Variants in ANK3 observed in about 807,000 individuals in gnomAD.
ANK3 encodes ankyrin 3.
A neutral mutation model predicts 370.9 loss-of-function variants in ANK3; 57 were observed. The observed-to-expected ratio is 0.15, with a 90% CI of 0.12 to 0.19. The LOEUF is 0.19. Ranked by LOEUF, ANK3 falls within the 10% of genes least tolerant of loss-of-function variation. ANK3 has a pLI of 1.00. For missense variants in ANK3, 4,439 were observed against 5,302.1 expected, an observed-to-expected ratio of 0.84 and a Z score of 5.06; for synonymous variants, 1,929 against 1,946.3, an observed-to-expected ratio of 0.99 and a Z score of 0.23.
chr10:60,130,634 A>T (rs577128952), intron 25 of ANK3, among the ~76,000 whole-genome samples: 41 of 152,212 alleles, frequency 2.7e-4, no homozygotes, highest in Non-Finnish European at 5.4e-4. Context: ...AAAAACAGAA[A>T]CTAATAATTT....
At chr10:60,478,529 T>A (rs1340155630) in intron 2 of ANK3, among the ~76,000 whole-genome samples, 1 of 151,924 alleles carries the variant, frequency 6.6e-6, no homozygotes, top group East Asian at 1.9e-4. Flanking sequence ...CTTTCAAGAG[T>A]GGGTACAGAT....
chr10:60,733,444 G>A, exon 1 of ANK3: 1 of 881,578 alleles, frequency 1.1e-6, no homozygotes, highest in Non-Finnish European at 1.5e-6. Context: ...AACACCAAGC[G>A]CGGCCCCGCG....
intron 2 of ANK3, among the ~76,000 whole-genome samples, chr10:60,546,295 C>T (rs1055572731): frequency 1.3e-5 from 2 of 152,146 alleles, no homozygotes; most frequent in Non-Finnish European, 2.9e-5. Flanking sequence ...CTCAGCCTCC[C>T]AAAGAGCTGA....
intron 1 of ANK3, among the ~76,000 whole-genome samples, chr10:60,377,742 A>C (rs553206286): frequency 6.6e-6 from 1 of 152,332 alleles, no homozygotes; most frequent in South Asian, 2.1e-4. Context: ...AGGGTGCCTT[A>C]GAGTCTGATA....
intron 42 of ANK3, among the ~76,000 whole-genome samples, chr10:60,048,266 G>T (rs559670211): frequency 6.6e-6 from 1 of 152,284 alleles, no homozygotes; most frequent in South Asian, 2.1e-4. Context: ...TAACTATGCT[G>T]GTTCAGTCCA....
At position 60,430,765 on chromosome 10, in the gene ANK3, G is replaced by A. The variant is rs192053766; in HGVS notation, c.97-151126C>T. On this transcript the variant is annotated intron_variant, in intron 2 of 43. Coordinates refer to the ANK3 transcript ENST00000373827. The stretch of plus-strand genomic sequence containing the variant: ...TTCTCAGAAGGCTAAGTTTTATGGA[G>A]TTTTAAAGGCATATTTCATAACACA... Among the ~76,000 whole-genome samples the A allele has an allele frequency of 7.2e-5, 11 of 152,000 alleles. No homozygotes were observed. The East Asian group carries it at 2.1e-3, about 29-fold the overall frequency.
intron 2 of ANK3, among the ~76,000 whole-genome samples, chr10:60,453,921 T>G (rs1274898376): frequency 6.6e-6 from 1 of 152,212 alleles, no homozygotes; most frequent in Non-Finnish European, 1.5e-5. Flanking sequence ...AACTAGAAAC[T>G]GAAAATAAAT....
intron 2 of ANK3, among the ~76,000 whole-genome samples, chr10:60,523,414 CG>C (rs1196897550): frequency 6.1e-5 from 8 of 130,394 alleles, no homozygotes; most frequent in Non-Finnish European, 9.6e-5. Flanking sequence ...CAACAGTCCC[CG>C]GAGTGTGATG....
intron 2 of ANK3, among the ~76,000 whole-genome samples, chr10:60,538,837 T>C (rs1336959231): frequency 6.6e-6 from 1 of 151,932 alleles, no homozygotes; most frequent in Admixed American, 6.6e-5. Context: ...TAAAAATAAA[T>C]GGTATGTTTA....
chr10:60,452,812 G>T (rs1195465919), intron 2 of ANK3, among the ~76,000 whole-genome samples: 4 of 152,266 alleles, frequency 2.6e-5, no homozygotes, highest in Non-Finnish European at 4.4e-5. Context: ...TGCTGGGAAG[G>T]CTTGTTTGTT....
chr10:60,231,102 G>T (rs1367069315), intron 8 of ANK3, among the ~76,000 whole-genome samples: 1 of 151,992 alleles, frequency 6.6e-6, no homozygotes, highest in Admixed American at 6.6e-5. Context: ...GACTCAGAAG[G>T]GTGAACTTTT....
At chr10:60,656,090 A>G (rs1468682928) in intron 1 of ANK3, among the ~76,000 whole-genome samples, 1 of 152,184 alleles carries the variant, frequency 6.6e-6, no homozygotes, top group Non-Finnish European at 1.5e-5. Context: ...TCATCAAGCA[A>G]TGCATGATTC....
chr10:60,647,514 A>T (rs2078724680), intron 1 of ANK3, among the ~76,000 whole-genome samples: 1 of 152,322 alleles, frequency 6.6e-6, no homozygotes, highest in East Asian at 1.9e-4. Flanking sequence ...AAAATGCCCT[A>T]TAACAAAATT....
chr10:60,300,453 C>T, intron 1 of ANK3: 2 of 1,285,356 alleles, frequency 1.6e-6, no homozygotes, highest in African/African-American at 1.5e-5. Flanking sequence ...GTAAAGGTTT[C>T]CCCCACTTCC....
intron 42 of ANK3, among the ~76,000 whole-genome samples, chr10:60,052,667 C>T (rs1415136178): frequency 6.6e-6 from 1 of 151,940 alleles, no homozygotes; most frequent in Non-Finnish European, 1.5e-5. Context: ...ACTTAGATGC[C>T]ATGGGGAAGA....
At chr10:60,726,131 A>G (rs2079937220) in intron 1 of ANK3, among the ~76,000 whole-genome samples, 1 of 152,166 alleles carries the variant, frequency 6.6e-6, no homozygotes, top group Non-Finnish European at 1.5e-5. Context: ...TTGATCATCT[A>G]CTATATCAGC....
At chr10:60,456,495 C>T (rs2064750446) in intron 2 of ANK3, among the ~76,000 whole-genome samples, 1 of 152,152 alleles carries the variant, frequency 6.6e-6, no homozygotes, top group East Asian at 1.9e-4. Flanking sequence ...GGAGGAAATA[C>T]ACCCTGTCCT....
chr10:60,053,580 TGG>T (rs1467643027), intron 42 of ANK3: 9 of 949,564 alleles, frequency 9.5e-6, no homozygotes, highest in Non-Finnish European at 1.3e-5. Flanking sequence ...ATCTAGGAAT[TGG>T]TAAAGGGGAA....
intron 1 of ANK3, among the ~76,000 whole-genome samples, chr10:60,724,405 G>C (rs2079912966): frequency 6.6e-6 from 1 of 151,774 alleles, no homozygotes; most frequent in Non-Finnish European, 1.5e-5. Context: ...TATTACAATA[G>C]AATGTGATAT....
Sources: allele counts gnomAD v4.1 joint callset (sites outside exome capture counted in the v4.1 genomes callset), GRCh38; gene constraint gnomAD v4.1.1; transcripts MANE v1.5; gene names NCBI Gene and HGNC (gene_info 2026-07-23, HGNC 2026-07-21).